The following AGO3 variants were observed in gnomAD, a reference collection of about 807,000 sequenced individuals.
AGO3 encodes protein argonaute-3.
AGO3 carries 16 observed loss-of-function variants against 105.5 expected under a neutral mutation model. The ratio of observed to expected loss-of-function variants is 0.15; its 90% CI spans 0.10 to 0.23. The LOEUF is 0.23. Ranked by LOEUF, AGO3 falls within the 10% of genes least tolerant of loss-of-function variation. The probability of loss-of-function intolerance (pLI) is 1.00; values close to 1 mark genes in which losing one functional copy is unlikely to be tolerated. For synonymous variants in AGO3, 340 were observed against 367.3 expected, an observed-to-expected ratio of 0.93 and a Z score of 0.85; for missense variants, 534 against 1,088.0, an observed-to-expected ratio of 0.49 and a Z score of 7.16.
In AGO3 at chr1:36,004,325, G is replaced by A; in HGVS notation, c.659-16G>A. The A allele has an allele frequency of 1.9e-6, 3 of 1,589,846 alleles. No homozygotes were observed. Among genetic ancestry groups the A allele is most frequent in the Non-Finnish European group, 2.6e-6 (3 of 1,168,310 alleles). On this transcript the variant is annotated splice_polypyrimidine_tract_variant and intron_variant, in intron 5 of 18. Coordinates refer to ENST00000373191, the MANE Select transcript of AGO3 (RefSeq NM_024852.4). ...AGGGAAACATTAATTTGTATTGTTT[G>A]TGTTTTTCTTCTTAGTTTCTGCCAC...
At position 35,966,874 on chromosome 1, in the gene AGO3, A is replaced by G. The variant is rs184626063; in HGVS notation, c.192-81A>G. 3.3e-3 allele frequency: 4,816 copies of G among 1,460,534 alleles called. 17 individuals carry two copies. The highest frequency in any genetic ancestry group is 7.1e-3 in the Middle Eastern group (38 of 5,334). 90.5% of individuals were successfully genotyped at this position (1,460,534 alleles called of 1,614,324 possible). A position where few individuals can be genotyped will look rare whatever the true frequency, so the allele number is the denominator to read the frequency against. The stretch of plus-strand genomic sequence containing the variant: ...TTTTAGAATTTTGACAGCTTTATAC[A>G]GTGGCAGAAATTACTTCTGTTAATA... On this transcript the variant is annotated intron_variant, in intron 2 of 18. Coordinates refer to ENST00000373191, the MANE Select transcript of AGO3 (RefSeq NM_024852.4).
Position 36,055,801 on chromosome 1 carries a change from G to A in AGO3, c.*56G>A. 16 of 1,574,018 alleles carry A rather than the reference G, an allele frequency of 1.0e-5. No individual in the cohort carries two copies. The highest frequency in any genetic ancestry group is 1.7e-5 in the Admixed American group (1 of 58,932). On this transcript the variant is annotated 3_prime_UTR_variant, in exon 19 of 19. Transcript: ENST00000373191. The surrounding 1 kb of genome is among the most constrained non-coding windows in gnomAD (Gnocchi z 4.4). ...ACTGAAAGATGAATTGACATACAACGTATGTTTCCAGTGAAGTCAATTGAG... is the reference window on the plus strand; with the variant it reads ...ACTGAAAGATGAATTGACATACAACATATGTTTCCAGTGAAGTCAATTGAG...
chr1:36,055,588 C>T lies in AGO3; in HGVS notation c.2475-49C>T, dbSNP rs111829684. The T allele has an allele frequency of 1.6e-5, 24 of 1,532,084 alleles. No individual in the cohort carries two copies. In the African/African-American group the frequency reaches 1.6e-4, roughly 10 times the overall value. 94.9% of individuals were successfully genotyped at this position (1,532,084 alleles called of 1,614,324 possible). On this transcript the variant is annotated intron_variant, in intron 18 of 18. Transcript: ENST00000373191. The surrounding 1 kb of genome is among the most constrained non-coding windows in gnomAD (Gnocchi z 4.4). ...CAAATAGTATTTTTCGGAATTATTA[C>T]ATCAGAATAGAAAGTTTGTTTTTGT...
At chr1:35,937,398 A>C (rs1646169612) in intron 1 of AGO3, among the ~76,000 whole-genome samples, 1 of 151,838 alleles carries the variant, frequency 6.6e-6, no homozygotes, top group Non-Finnish European at 1.5e-5. Context: ...AAAAAAAAAA[A>C]AAATTGTTTC....
chr1:36,000,325 T>C (rs1640027680), intron 5 of AGO3, among the ~76,000 whole-genome samples: 1 of 152,170 alleles, frequency 6.6e-6, no homozygotes, highest in Non-Finnish European at 1.5e-5. Context: ...ACCCATTCTT[T>C]CTGAGTTTTT....
chr1:36,005,679 G>A (rs1640305540), intron 6 of AGO3: 1 of 977,186 alleles, frequency 1.0e-6, no homozygotes, highest in Non-Finnish European at 1.2e-6. Flanking sequence ...ATTATTTTGC[G>A]GTAACTATGC....
At chr1:35,959,584 T>C (rs1646637011) in intron 2 of AGO3, among the ~76,000 whole-genome samples, 1 of 152,180 alleles carries the variant, frequency 6.6e-6, no homozygotes, top group South Asian at 2.1e-4. Flanking sequence ...TTAGTCTAGT[T>C]TTACTACTTA....
intron 12 of AGO3, among the ~76,000 whole-genome samples, chr1:36,030,892 A>G (rs1196881932): frequency 6.6e-6 from 1 of 152,206 alleles, no homozygotes; most frequent in Non-Finnish European, 1.5e-5. Flanking sequence ...TTTTTAATAT[A>G]TATTTACAAC....
chr1:36,005,962 CT>C, intron 6 of AGO3: 1 of 929,908 alleles, frequency 1.1e-6, no homozygotes, highest in Non-Finnish European at 1.3e-6. Flanking sequence ...ATCTAGTCCA[CT>C]TTTTAAAAAT....
intron 14 of AGO3, 103 bp downstream of exon 14, chr1:36,036,370 A>C: frequency 8.9e-7 from 1 of 1,122,892 alleles, no homozygotes; most frequent in Non-Finnish European, 1.3e-6. Flanking sequence ...GCCAACTTTC[A>C]TAAATGTTCT....
At chr1:35,969,266 T>C (rs1392540890) in intron 3 of AGO3, among the ~76,000 whole-genome samples, 1 of 152,206 alleles carries the variant, frequency 6.6e-6, no homozygotes, top group Non-Finnish European at 1.5e-5. Context: ...TAACTTCTTA[T>C]CAGATATATA....
At chr1:36,014,188 T>A in intron 11 of AGO3, 140 bp downstream of exon 11, 8 of 1,096,394 alleles carry the variant, frequency 7.3e-6, no homozygotes, top group African/African-American at 1.6e-5. Context: ...AGACAGAGTC[T>A]CACTCTGTCA....
rs933403517 is a variant in AGO3, at chr1:36,067,792, C to T, written c.*12047C>T. On this transcript the variant is annotated 3_prime_UTR_variant, in exon 19 of 19. Coordinates refer to ENST00000373191, the MANE Select transcript of AGO3 (RefSeq NM_024852.4). ...AGTGAGCCGAGATCCCACCATTGCACTCCAGCCTGGGTGGCAGAGTGAGAC... is the reference window on the plus strand; with the variant it reads ...AGTGAGCCGAGATCCCACCATTGCATTCCAGCCTGGGTGGCAGAGTGAGAC... 3 of 151,252 alleles carry T rather than the reference C, an allele frequency of 2.0e-5. No individual in the cohort carries two copies. Among genetic ancestry groups the T allele is most frequent in the African/African-American group, 7.3e-5 (3 of 41,054 alleles). The allele number at this position is 151,252 out of a possible 1,614,324, so 9.4% of individuals were successfully genotyped here.
chr1:36,003,709 A>AAAAAAAAAAAAAAAATAT (rs1295618675), intron 5 of AGO3, among the ~76,000 whole-genome samples: 1 of 99,446 alleles, frequency 1.0e-5, no homozygotes, highest in Non-Finnish European at 1.9e-5. Flanking sequence ...AAAAAAAAAA[A>AAAAAAAAAAAAAAAATAT]ATATATATAT....
chr1:35,991,118 A>G (rs1392896536), intron 5 of AGO3, among the ~76,000 whole-genome samples: 3 of 152,212 alleles, frequency 2.0e-5, no homozygotes, highest in East Asian at 1.9e-4. Context: ...AGCCTGGCCA[A>G]CACAGTGAAA....
intron 11 of AGO3, among the ~76,000 whole-genome samples, chr1:36,026,091 AC>A (rs1270681281): frequency 6.6e-6 from 1 of 151,794 alleles, no homozygotes; most frequent in African/African-American, 2.4e-5. Flanking sequence ...AAATCAAAGT[AC>A]ATTAAAATGC....
At chr1:35,938,161 A>G (rs757156804) in intron 1 of AGO3, among the ~76,000 whole-genome samples, 21 of 151,728 alleles carry the variant, frequency 1.4e-4, no homozygotes, top group Non-Finnish European at 2.2e-4. Context: ...TTGTATTTTT[A>G]GTGGAGATGG....
In AGO3 at chr1:36,027,263, T is replaced by C; in HGVS notation, c.1556T>C (p.Ile519Thr). ...LKNTYSGLQL[I>T]IVILPGKTPV... ...AACACATATTCTGGCCTACAGCTTA[T>C]TATCGTCATCCTGCCGGGGAAGACA... The change falls in exon 12 of 19, where the codon ATT becomes ACT. Residue 519 changes from isoleucine (I) to threonine (T), a missense_variant. Physicochemically the swap from Ile to Thr is moderately conservative, Grantham distance 89. Transcript: ENST00000373191. The surrounding 1 kb of genome is among the most constrained non-coding windows in gnomAD (Gnocchi z 4.0). 6.2e-7 allele frequency: 1 copy of C among 1,613,890 alleles called. No individual in the cohort carries two copies. Among genetic ancestry groups the C allele is most frequent in the Non-Finnish European group, 8.5e-7 (1 of 1,179,882 alleles).
intron 5 of AGO3, 122 bp downstream of exon 5, chr1:35,973,633 A>G: frequency 9.0e-7 from 1 of 1,115,124 alleles, no homozygotes; most frequent in South Asian, 3.6e-5. Context: ...ATGTATTATG[A>G]TCTACTGGAG....
Sources: allele counts gnomAD v4.1 joint callset (sites outside exome capture counted in the v4.1 genomes callset), GRCh38; gene constraint gnomAD v4.1.1; non-coding constraint Gnocchi (gnomAD v3.1); transcripts MANE v1.5; gene names NCBI Gene and HGNC (gene_info 2026-07-23, HGNC 2026-07-21).